Variants in THSD4 observed in about 807,000 individuals in gnomAD.
THSD4 encodes thrombospondin type-1 domain-containing protein 4.
THSD4 carries 69 observed loss-of-function variants against 119.0 expected under a neutral mutation model. The observed-to-expected ratio is 0.58, with a 90% CI of 0.48 to 0.71. The LOEUF is 0.71. THSD4 is among the 30% of genes least tolerant of loss of function. The probability of loss-of-function intolerance (pLI) is 0.00; values close to 1 mark genes in which losing one functional copy is unlikely to be tolerated. For synonymous variants in THSD4, 524 were observed against 540.4 expected, an observed-to-expected ratio of 0.97 and a Z score of 0.42; for missense variants, 1,393 against 1,391.1, an observed-to-expected ratio of 1.00 and a Z score of -0.02.
At chr15:71,538,472 G>A (rs1168290538) in intron 7 of THSD4, among the ~76,000 whole-genome samples, 4 of 152,102 alleles carry the variant, frequency 2.6e-5, no homozygotes, top group Admixed American at 6.6e-5. Context: ...TCATTATTAC[G>A]GCTTCGTGCT....
chr15:71,167,549 G>A (rs1201955137), intron 3 of THSD4, among the ~76,000 whole-genome samples: 1 of 152,098 alleles, frequency 6.6e-6, no homozygotes, highest in South Asian at 2.1e-4. Flanking sequence ...GAAGATTTTG[G>A]GTAAAAGTAT....
intron 7 of THSD4, among the ~76,000 whole-genome samples, chr15:71,528,098 G>C (rs1221491158): frequency 6.6e-6 from 1 of 151,944 alleles, no homozygotes; most frequent in Non-Finnish European, 1.5e-5. Flanking sequence ...ACAGTGCCTT[G>C]GACTCTCTTG....
intron 14 of THSD4, among the ~76,000 whole-genome samples, chr15:71,757,599 C>A (rs2053564759): frequency 2.4e-5 from 1 of 41,938 alleles, no homozygotes; most frequent in African/African-American, 9.3e-5. Flanking sequence ...CCCGGCCAAG[C>A]TGAATATATT....
Position 71,685,965 on chromosome 15 carries a change from C to G in THSD4, c.1357+25231C>G, listed in dbSNP as rs769659630. 9.2e-5 allele frequency among the ~76,000 whole-genome samples: 14 copies of G among 152,072 alleles called. No individual in the cohort carries two copies. In the Middle Eastern group the frequency reaches 0.01, roughly 111 times the overall value. The stretch of plus-strand genomic sequence containing the variant: ...ATGGAAATATATCCATTTTTTTAAA[C>G]TTTTTATTTTCAAGTAATGTTAAAT... On this transcript the variant is annotated intron_variant, in intron 8 of 17. Coordinates refer to ENST00000261862, the MANE Select transcript of THSD4 (RefSeq NM_024817.3).
chr15:71,467,627 G>T (rs1192986084), intron 7 of THSD4, among the ~76,000 whole-genome samples: 1 of 152,138 alleles, frequency 6.6e-6, no homozygotes, highest in African/African-American at 2.4e-5. Flanking sequence ...GGAAGGGTCA[G>T]AAAATCCTTC....
At chr15:71,510,894 T>C (rs143622053) in intron 7 of THSD4, among the ~76,000 whole-genome samples, 6 of 152,304 alleles carry the variant, frequency 3.9e-5, no homozygotes, top group Non-Finnish European at 8.8e-5. Context: ...TAGGCTCTTA[T>C]ATAAGAGGAT....
chr15:71,740,275 G>A (rs950130769), intron 11 of THSD4, among the ~76,000 whole-genome samples: 3 of 152,118 alleles, frequency 2.0e-5, no homozygotes, highest in African/African-American at 7.2e-5. Flanking sequence ...AACCATTTTG[G>A]TGAGACTCTG....
chr15:71,366,442 T>C (rs1231249850), intron 6 of THSD4, among the ~76,000 whole-genome samples: 1 of 152,156 alleles, frequency 6.6e-6, no homozygotes, highest in Non-Finnish European at 1.5e-5. Flanking sequence ...ATATCTCCAC[T>C]GGATTGGCCT....
intron 8 of THSD4, among the ~76,000 whole-genome samples, chr15:71,684,021 G>A (rs374986320): frequency 6.6e-5 from 10 of 152,022 alleles, no homozygotes; most frequent in South Asian, 2.1e-4. Context: ...ATTTATTACC[G>A]TTTATTCAAA....
At chr15:71,394,078 AT>A (rs36141571) in intron 6 of THSD4, among the ~76,000 whole-genome samples, 180 of 148,088 alleles carry the variant, frequency 1.2e-3, no homozygotes, top group East Asian at 1.8e-3. Flanking sequence ...GATACACAAT[AT>A]TTTTTTTTTT....
chr15:71,390,756 A>G (rs1415833778), intron 6 of THSD4, among the ~76,000 whole-genome samples: 1 of 151,784 alleles, frequency 6.6e-6, no homozygotes, highest in Admixed American at 6.6e-5. Context: ...GAAAAAAATC[A>G]CATCCTTTCA....
chr15:71,491,308 T>C (rs2047915092), intron 7 of THSD4, among the ~76,000 whole-genome samples: 1 of 151,984 alleles, frequency 6.6e-6, no homozygotes, highest in South Asian at 2.1e-4. Flanking sequence ...TGAAATGTTT[T>C]TCCCCGTTGT....
intron 7 of THSD4, among the ~76,000 whole-genome samples, chr15:71,590,097 A>G (rs1179879424): frequency 7.2e-6 from 1 of 139,468 alleles, no homozygotes; most frequent in African/African-American, 2.5e-5. Context: ...GTTACGGCTG[A>G]TGAAGGAGAG....
At chr15:71,259,046 G>A (rs2044357875) in intron 6 of THSD4, among the ~76,000 whole-genome samples, 1 of 152,054 alleles carries the variant, frequency 6.6e-6, no homozygotes, top group African/African-American at 2.4e-5. Context: ...CTGGGAAGCG[G>A]AGGTTGTGGT....
intron 6 of THSD4, among the ~76,000 whole-genome samples, chr15:71,367,955 G>A (rs1247858314): frequency 6.6e-6 from 1 of 152,146 alleles, no homozygotes; most frequent in Non-Finnish European, 1.5e-5. Context: ...GTTGTTTTCT[G>A]ACTTTTTAAT....
chr15:71,322,026 TAA>T (rs539984755), intron 6 of THSD4, among the ~76,000 whole-genome samples: 2 of 144,860 alleles, frequency 1.4e-5, no homozygotes, highest in Non-Finnish European at 3.0e-5. Flanking sequence ...CACATGGACT[TAA>T]AAAAAAAAAA....
At chr15:71,427,665 T>C (rs995295037) in intron 7 of THSD4, among the ~76,000 whole-genome samples, 1 of 150,212 alleles carries the variant, frequency 6.7e-6, no homozygotes, top group Non-Finnish European at 1.5e-5. Flanking sequence ...TGCACCCTGC[T>C]CTCTGCCCTG....
chr15:71,673,986 T>C (rs541492930), intron 8 of THSD4, among the ~76,000 whole-genome samples: 3 of 152,350 alleles, frequency 2.0e-5, no homozygotes, highest in Admixed American at 6.5e-5. Context: ...TGTGTTCTTA[T>C]GGCTTTTGCA....
chr15:71,617,794 G>A (rs942081763), intron 7 of THSD4, among the ~76,000 whole-genome samples: 1 of 152,218 alleles, frequency 6.6e-6, no homozygotes, highest in Non-Finnish European at 1.5e-5. Flanking sequence ...AACATTTAGT[G>A]ACTATTTAAT....
Sources: allele counts gnomAD v4.1 joint callset (sites outside exome capture counted in the v4.1 genomes callset), GRCh38; gene constraint gnomAD v4.1.1; transcripts MANE v1.5; gene names NCBI Gene and HGNC (gene_info 2026-07-23, HGNC 2026-07-21).